COL26A1: variants seen among roughly 807,000 people sequenced by gnomAD.
COL26A1 encodes collagen type XXVI alpha 1 chain.
Under a neutral mutation model 59.3 loss-of-function variants are expected in COL26A1, and 41 were observed. The observed-to-expected ratio is 0.69, with a 90% CI of 0.54 to 0.90. The LOEUF (loss-of-function observed/expected upper bound fraction) is 0.90, where lower values mean the gene tolerates loss of function less well. Among genes scored for constraint, COL26A1 ranks in the 40% least tolerant of loss-of-function variants. COL26A1 has a pLI of 0.00. For synonymous variants in COL26A1, 266 were observed against 256.0 expected (o/e 1.04, Z -0.37); for missense variants, 612 against 602.3 (o/e 1.02, Z -0.17).
chr7:101,401,395 A>G (rs1281555765), intron 1 of COL26A1, among the ~76,000 whole-genome samples: 1 of 152,038 alleles, frequency 6.6e-6, no homozygotes, highest in Non-Finnish European at 1.5e-5. Context: ...TGCCAGGAGG[A>G]GGAGGAAGAA....
rs149343079 is a variant in COL26A1 at position 101,547,137 on chromosome 7, C to T, written c.857-19C>T. 9.4e-5 allele frequency: 147 copies of T among 1,561,674 alleles called. No individual in the cohort carries two copies. The African/African-American group carries it at 1.0e-3, about 11-fold the overall frequency. On this transcript the variant is annotated intron_variant, in intron 7 of 12. Transcript: ENST00000313669. ...AGGTCTGCCCCACCAGACCCCTGGC[C>T]GCTCCGCTCTTCCCACAGATGGAGA...
chr7:101,460,782 G>C (rs1329033631), intron 3 of COL26A1, among the ~76,000 whole-genome samples: 1 of 128,628 alleles, frequency 7.8e-6, no homozygotes, highest in Non-Finnish European at 1.7e-5. Context: ...CTCCATCTCA[G>C]GAAGAAAAAA....
Position 101,447,675 on chromosome 7 carries a change from G to C in COL26A1, c.282-9G>C. 1 of 1,565,778 alleles carries C rather than the reference G, an allele frequency of 6.4e-7. No homozygotes were observed. Among genetic ancestry groups the C allele is most frequent in the Non-Finnish European group, 8.7e-7 (1 of 1,149,076 alleles). On this transcript the variant is annotated splice_polypyrimidine_tract_variant and intron_variant, in intron 2 of 12. Transcript: ENST00000313669. Reference sequence around the variant, plus strand: ...AGCTCATGCCCCCCTGACGCTGTCTGTGTGTTAGTTACAGGACTCTGATCA... The same window carrying C: ...AGCTCATGCCCCCCTGACGCTGTCTCTGTGTTAGTTACAGGACTCTGATCA...
Position 101,545,452 on chromosome 7 carries a change from G to A in COL26A1, c.818G>A (p.Gly273Asp). The change falls in exon 7 of 13, where the codon GGC becomes GAC. Residue 273 changes from glycine (G) to aspartate (D), a missense_variant. Physicochemically the swap from Gly to Asp is moderately conservative, Grantham distance 94. Transcript: ENST00000313669. ...GGCCCCTCACCAAACAGCCCCCAGG[G>A]CGCCCTCTACTCCCTGCAGCCGCCT... Reference protein sequence around the residue: ...NPGPSPNSPQGALYSLQPPTD... With the variant: ...NPGPSPNSPQDALYSLQPPTD... 6.2e-7 allele frequency: 1 copy of A among 1,608,800 alleles called. No individual in the cohort carries two copies. The highest frequency in any genetic ancestry group is 8.5e-7 in the Non-Finnish European group (1 of 1,177,978).
chr7:101,363,480 T>G (rs1790954248), intron 1 of COL26A1, among the ~76,000 whole-genome samples: 1 of 93,828 alleles, frequency 1.1e-5, no homozygotes, highest in Non-Finnish European at 2.1e-5. Context: ...GGGGTTGGGG[T>G]CACGGGGGGA....
rs1467342472 is a variant in COL26A1 at position 101,489,617 on chromosome 7, C to G, written c.385+41830C>G. ...TTTCTTTCTTTTTCTTTCTTTCTTT[C>G]TTTCTTTCTTTCTTTCTTTCTTTCT... On this transcript the variant is annotated intron_variant, in intron 3 of 12. Transcript: ENST00000313669. 9.5e-5 allele frequency among the ~76,000 whole-genome samples: 5 copies of G among 52,542 alleles called. No individual in the cohort carries two copies. The African/African-American group carries it at 1.0e-3, about 11-fold the overall frequency. The allele number at this position is 52,542 out of a possible 152,430, so 34.5% of individuals were successfully genotyped here.
At chr7:101,463,887 TTCTTTCTTTCTTTCTTTTTCTTTCTC>T (rs1482606292) in intron 3 of COL26A1, among the ~76,000 whole-genome samples, 1 of 99,440 alleles carries the variant, frequency 1.0e-5, no homozygotes, top group African/African-American at 5.2e-5. Context: ...CTTTCTTTCT[TTCTTTCTTTCTTTCTTTTTCTTTCTC>T]TCTTTCTTTC....
intron 8 of COL26A1, 61 bp downstream of exon 8, chr7:101,547,300 C>T: frequency 2.4e-6 from 3 of 1,253,930 alleles, no homozygotes; most frequent in African/African-American, 1.5e-5. Context: ...TGGCCTGAGC[C>T]ATGGGGCCTT....
At chr7:101,498,750 C>T (rs988233565) in intron 3 of COL26A1, among the ~76,000 whole-genome samples, 2 of 152,156 alleles carry the variant, frequency 1.3e-5, no homozygotes, top group Admixed American at 6.5e-5. Flanking sequence ...ATGTTGCAGG[C>T]TTTGGTGAAA....
intron 3 of COL26A1, among the ~76,000 whole-genome samples, chr7:101,466,993 G>A (rs1793778632): frequency 6.6e-6 from 1 of 151,956 alleles, no homozygotes; most frequent in South Asian, 2.1e-4. Flanking sequence ...TCCAGAGTTA[G>A]TGACCCCCTG....
At chr7:101,442,671 A>G (rs546665110) in intron 2 of COL26A1, among the ~76,000 whole-genome samples, 17 of 152,080 alleles carry the variant, frequency 1.1e-4, no homozygotes, top group Non-Finnish European at 1.6e-4. Context: ...AGAGAAGAAA[A>G]CGGTCAGAGG....
chr7:101,466,798 GTGTGTGT>G (rs2130447179), intron 3 of COL26A1, among the ~76,000 whole-genome samples: 1 of 80,034 alleles, frequency 1.2e-5, no homozygotes, highest in Non-Finnish European at 2.4e-5. Flanking sequence ...ATGTTCTGGT[GTGTGTGT>G]GTGTGTGTGT....
chr7:101,525,073 G>A (rs1006460542), intron 3 of COL26A1, among the ~76,000 whole-genome samples: 1 of 151,554 alleles, frequency 6.6e-6, no homozygotes, highest in Non-Finnish European at 1.5e-5. Context: ...TATGATTTGT[G>A]AGTGTGTGGC....
chr7:101,522,655 G>A (rs915334724), intron 3 of COL26A1, among the ~76,000 whole-genome samples: 7 of 152,164 alleles, frequency 4.6e-5, no homozygotes, highest in African/African-American at 1.4e-4. Flanking sequence ...TTCATGGGAA[G>A]GGAGGAGATA....
At chr7:101,391,017 T>C (rs1471214900) in intron 1 of COL26A1, among the ~76,000 whole-genome samples, 1 of 152,346 alleles carries the variant, frequency 6.6e-6, no homozygotes, top group East Asian at 1.9e-4. Flanking sequence ...CCTGACCTGC[T>C]AACCAAAGCC....
intron 3 of COL26A1, among the ~76,000 whole-genome samples, chr7:101,475,828 T>TTC (rs1188725427): frequency 2.0e-5 from 3 of 148,060 alleles, no homozygotes; most frequent in Admixed American, 6.8e-5. Flanking sequence ...TTCTCTCTCT[T>TTC]TCTCTCTCTC....
intron 2 of COL26A1, among the ~76,000 whole-genome samples, chr7:101,447,080 A>G (rs1793215201): frequency 6.6e-6 from 1 of 151,922 alleles, no homozygotes; most frequent in South Asian, 2.1e-4. Context: ...CTGTTTCTGG[A>G]TGGGATCATA....
intron 2 of COL26A1, among the ~76,000 whole-genome samples, chr7:101,428,343 G>A (rs1792695710): frequency 9.2e-6 from 1 of 108,368 alleles, no homozygotes. Context: ...GGGCAACACA[G>A]TGAGACCCTG....
rs1042533373 is a variant in COL26A1, at chr7:101,468,159, C to T, written c.385+20372C>T. Among the ~76,000 whole-genome samples the T allele has an allele frequency of 6.6e-5, 10 of 151,898 alleles. No homozygotes were observed. In the East Asian group the frequency reaches 9.8e-4, roughly 15 times the overall value. ...CTCTACTAAAAATACAAAAATTAGC[C>T]GGGCATGGTGGTGCACGCCTGTAAT... On this transcript the variant is annotated intron_variant, in intron 3 of 12. Coordinates refer to ENST00000313669, the MANE Select transcript of COL26A1 (RefSeq NM_001278563.3).
Sources: gnomAD v4.1 joint callset for allele counts (sites outside exome capture counted in the v4.1 genomes callset) on GRCh38, gnomAD v4.1.1 for gene constraint, MANE v1.5 for transcripts, NCBI Gene and HGNC (gene_info 2026-07-23, HGNC 2026-07-21) for gene names.